RASA3: variants seen among roughly 807,000 people sequenced by gnomAD.
The protein encoded by RASA3 is ras GTPase-activating protein 3.
RASA3 carries 73 observed loss-of-function variants against 110.0 expected under a neutral mutation model. The observed-to-expected ratio is 0.66, with a 90% CI of 0.55 to 0.81. The LOEUF is 0.81. RASA3 is among the 30% of genes least tolerant of loss of function. The pLI is 0.00. For missense variants in RASA3, 976 were observed against 1,113.2 expected (o/e 0.88, Z 1.75); for synonymous variants, 500 against 451.4 (o/e 1.11, Z -1.37).
At chr13:114,095,213 G>A (rs950678299) in intron 1 of RASA3, among the ~76,000 whole-genome samples, 2 of 152,004 alleles carry the variant, frequency 1.3e-5, no homozygotes, top group East Asian at 3.8e-4. Context: ...GAATAATTTG[G>A]GGCTTTTCAG....
At chr13:114,027,565 T>C in intron 6 of RASA3, 104 bp from the exon 7 acceptor site, 2 of 873,272 alleles carry the variant, frequency 2.3e-6, no homozygotes, top group Non-Finnish European at 3.6e-6. Context: ...TTATTGGCTT[T>C]ATTTATTTTA....
intron 1 of RASA3, among the ~76,000 whole-genome samples, chr13:114,076,918 T>C (rs1437078127): frequency 6.6e-6 from 1 of 152,230 alleles, no homozygotes; most frequent in Non-Finnish European, 1.5e-5. Context: ...CTGACCATAT[T>C]TCCCTTGGGA....
intron 1 of RASA3, among the ~76,000 whole-genome samples, chr13:114,083,536 C>T (rs923962061): frequency 1.4e-5 from 2 of 141,192 alleles, no homozygotes; most frequent in African/African-American, 2.5e-5. Context: ...CGACTCCCTT[C>T]GTCCTCGCGG....
intron 3 of RASA3, among the ~76,000 whole-genome samples, chr13:114,042,766 G>A (rs1372560754): frequency 2.0e-5 from 3 of 152,222 alleles, no homozygotes; most frequent in Admixed American, 6.5e-5. Context: ...GCATCCAGCA[G>A]CCACATGCTT....
At chr13:114,109,470 G>GAA (rs1594465900) in intron 1 of RASA3, among the ~76,000 whole-genome samples, 2 of 152,168 alleles carry the variant, frequency 1.3e-5, no homozygotes, top group Non-Finnish European at 2.9e-5. Flanking sequence ...ATGACAGCTT[G>GAA]AAAATAAAGT....
intron 1 of RASA3, among the ~76,000 whole-genome samples, chr13:114,110,452 G>C (rs181565427): frequency 1.1e-3 from 161 of 152,352 alleles, no homozygotes; most frequent in African/African-American, 3.6e-3. Flanking sequence ...CGGCTCACTG[G>C]ACGGCACCGT....
At chr13:114,078,573 C>T (rs553700322) in intron 1 of RASA3, among the ~76,000 whole-genome samples, 5 of 152,326 alleles carry the variant, frequency 3.3e-5, no homozygotes, top group East Asian at 1.9e-4. Flanking sequence ...CACAGCACCT[C>T]GCATCGGCTC....
Position 114,018,086 on chromosome 13 carries a change from G to A in RASA3, c.1091+18C>T. 1 of 1,500,762 alleles carries A rather than the reference G, an allele frequency of 6.7e-7. No homozygotes were observed. The highest frequency in any genetic ancestry group is 2.5e-5 in the East Asian group (1 of 39,316). The allele number at this position is 1,500,762 out of a possible 1,614,324, so 93.0% of individuals were successfully genotyped here. A position where few individuals can be genotyped will look rare whatever the true frequency, so the allele number is the denominator to read the frequency against. ...GCGGGTCCAGGCCGCTCTCCCCCGGGGCAGGGTGGGCACTCACTGGGTCCG... is the reference window on the plus strand; with the variant it reads ...GCGGGTCCAGGCCGCTCTCCCCCGGAGCAGGGTGGGCACTCACTGGGTCCG... On this transcript the variant is annotated intron_variant, in intron 11 of 23. Transcript: ENST00000334062.
chr13:114,076,858 G>A lies in RASA3; in HGVS notation c.56-3021C>T, dbSNP rs141040314. On this transcript the variant is annotated intron_variant, in intron 1 of 23. Coordinates refer to ENST00000334062, the MANE Select transcript of RASA3 (RefSeq NM_007368.4). ...ATAGAAGTCCTTACCCTCAAACACA[G>A]CTTGACTTTGCTGACTTTCCTTCTG... Among the ~76,000 whole-genome samples, 50 of 152,332 alleles carry A rather than the reference G, an allele frequency of 3.3e-4. No individual in the cohort carries two copies. The East Asian group carries it at 8.9e-3, about 27-fold the overall frequency.
intron 1 of RASA3, among the ~76,000 whole-genome samples, chr13:114,080,052 G>A (rs778996790): frequency 2.0e-5 from 3 of 152,252 alleles, no homozygotes; most frequent in East Asian, 1.9e-4. Context: ...CGGCGAGGCC[G>A]TGGGAGTGGG....
At chr13:114,107,913 C>T (rs2080155961) in intron 1 of RASA3, 1 of 152,192 alleles carries the variant, frequency 6.6e-6, no homozygotes, top group Non-Finnish European at 1.5e-5. Context: ...CTGAGCCAGC[C>T]CCTGAGTGCC....
At chr13:114,026,270 G>A (rs985543519) in intron 7 of RASA3, among the ~76,000 whole-genome samples, 20 of 152,170 alleles carry the variant, frequency 1.3e-4, no homozygotes, top group Non-Finnish European at 2.6e-4. Context: ...CAGCCGAGGC[G>A]GGGGGAGCTG....
chr13:113,997,911 C>T (rs1470828903), intron 20 of RASA3, among the ~76,000 whole-genome samples: 4 of 152,152 alleles, frequency 2.6e-5, no homozygotes, highest in South Asian at 2.1e-4. Context: ...GTATAGGTCT[C>T]GGACTGGACG....
intron 2 of RASA3, among the ~76,000 whole-genome samples, chr13:114,060,948 GC>G (rs1324768617): frequency 2.7e-5 from 4 of 147,688 alleles, no homozygotes; most frequent in African/African-American, 1.0e-4. Flanking sequence ...GGCAGACGGA[GC>G]CCCCCACAGC....
intron 7 of RASA3, among the ~76,000 whole-genome samples, chr13:114,026,397 C>T: frequency 6.6e-6 from 1 of 152,264 alleles, no homozygotes. Context: ...ATCTTCTCCG[C>T]CTGTCTATAA....
chr13:114,120,597 G>C (rs1428445717), intron 1 of RASA3, among the ~76,000 whole-genome samples: 1 of 139,224 alleles, frequency 7.2e-6, no homozygotes. Flanking sequence ...GCCAGACGTC[G>C]GTCAGGGCCC....
chr13:114,088,255 C>A (rs1393935209), intron 1 of RASA3, among the ~76,000 whole-genome samples: 1 of 152,198 alleles, frequency 6.6e-6, no homozygotes, highest in East Asian at 1.9e-4. Context: ...GATTAACGTG[C>A]CTTTAGACTT....
In RASA3 at chr13:114,048,734, C is replaced by T. The variant is rs1445775560; in HGVS notation, c.277+3318G>A. Reference sequence around the variant, plus strand: ...GGAGCCCGGCTTGACTGACAGTTCCCGCCGGCAGCAGCGCTCTGTGGGCCA... The same window carrying T: ...GGAGCCCGGCTTGACTGACAGTTCCTGCCGGCAGCAGCGCTCTGTGGGCCA... On this transcript the variant is annotated intron_variant, in intron 3 of 23. Coordinates refer to ENST00000334062, the MANE Select transcript of RASA3 (RefSeq NM_007368.4). This position sits in a 1 kb window ranked among gnomAD's most constrained non-coding sequence, Gnocchi z 4.3. Among the ~76,000 whole-genome samples, 1 of 152,202 alleles carries T rather than the reference C, an allele frequency of 6.6e-6. No individual in the cohort carries two copies. The highest frequency in any genetic ancestry group is 6.5e-5 in the Admixed American group (1 of 15,292).
chr13:114,119,938 T>C (rs368048151), intron 1 of RASA3, among the ~76,000 whole-genome samples: 7 of 1,788 alleles, frequency 3.9e-3, no homozygotes, highest in East Asian at 0.014. Context: ...ATCAGGGCCC[T>C]CCCTCCTCTC....
Sources: gnomAD v4.1 joint callset for allele counts (sites outside exome capture counted in the v4.1 genomes callset) on GRCh38, gnomAD v4.1.1 for gene constraint, Gnocchi (gnomAD v3.1) non-coding constraint, MANE v1.5 for transcripts, NCBI Gene and HGNC (gene_info 2026-07-23, HGNC 2026-07-21) for gene names.